Variants in MAF observed in about 807,000 individuals in gnomAD.
MAF encodes the protein transcription factor Maf.
In MAF, 10 loss-of-function variants were observed where a neutral mutation model predicts 22.0. The ratio of observed to expected loss-of-function variants is 0.45; its 90% CI spans 0.28 to 0.77. The LOEUF (loss-of-function observed/expected upper bound fraction) is 0.77, where lower values mean the gene tolerates loss of function less well. Among genes scored for constraint, MAF ranks in the 30% least tolerant of loss-of-function variants. The pLI, the probability that MAF is intolerant of heterozygous loss-of-function variation, is 0.12. For missense variants in MAF, 544 were observed against 548.4 expected (o/e 0.99, Z 0.08); for synonymous variants, 337 against 255.8 (o/e 1.32, Z -3.03).
chr16:79,310,615 C>G, the MAF span, among the ~76,000 whole-genome samples: 3 of 152,172 alleles, frequency 2.0e-5, no homozygotes, highest in African/African-American at 7.2e-5. Flanking sequence ...TCCGCCTCCG[C>G]GACATTTTGC....
the MAF span, among the ~76,000 whole-genome samples, chr16:79,252,285 CTTTA>C: frequency 2.0e-5 from 3 of 150,954 alleles, no homozygotes; most frequent in African/African-American, 2.4e-5. Flanking sequence ...TCCAATAAAA[CTTTA>C]TTTATTTATA....
the MAF span, among the ~76,000 whole-genome samples, chr16:79,232,439 T>C: frequency 1.3e-5 from 2 of 152,036 alleles, no homozygotes; most frequent in African/African-American, 4.8e-5. Flanking sequence ...GGAGGTACGG[T>C]AGTTGACTCG....
At chr16:79,284,660 G>A in the MAF span, among the ~76,000 whole-genome samples, 1 of 152,148 alleles carries the variant, frequency 6.6e-6, no homozygotes, top group Non-Finnish European at 1.5e-5. Context: ...TTTAAGAAAG[G>A]TTGGGAAGTT....
the MAF span, among the ~76,000 whole-genome samples, chr16:79,367,254 C>G: frequency 6.6e-6 from 1 of 152,200 alleles, no homozygotes; most frequent in Non-Finnish European, 1.5e-5. Context: ...GAAGTTAGCT[C>G]TCTCAGCCTG....
chr16:79,416,837 G>C, the MAF span, among the ~76,000 whole-genome samples: 1 of 152,182 alleles, frequency 6.6e-6, no homozygotes, highest in Non-Finnish European at 1.5e-5. Flanking sequence ...TTTCTTCATG[G>C]GTAAAGGGGA....
chr16:79,481,907 C>T, the MAF span, among the ~76,000 whole-genome samples: 1 of 152,264 alleles, frequency 6.6e-6, no homozygotes, highest in Non-Finnish European at 1.5e-5. Flanking sequence ...AGGCCACCAT[C>T]GAAGCAGGTG....
the MAF span, among the ~76,000 whole-genome samples, chr16:79,213,610 C>T: frequency 1.3e-5 from 2 of 152,158 alleles, no homozygotes; most frequent in Non-Finnish European, 2.9e-5. Context: ...CCTGCAACTT[C>T]CATCATAGGG....
chr16:79,559,735 A>T, the MAF span, among the ~76,000 whole-genome samples: 1 of 152,174 alleles, frequency 6.6e-6, no homozygotes, highest in East Asian at 1.9e-4. Context: ...AATGCTGATG[A>T]TGCTATATTT....
the MAF span, among the ~76,000 whole-genome samples, chr16:79,225,048 T>C: frequency 2.6e-5 from 4 of 152,170 alleles, no homozygotes; most frequent in Non-Finnish European, 2.9e-5. Flanking sequence ...AGAGCCCACA[T>C]AGCCAAGACA....
chr16:79,578,677 C>T, the MAF span, among the ~76,000 whole-genome samples: 11 of 152,050 alleles, frequency 7.2e-5, no homozygotes, highest in African/African-American at 2.2e-4. Context: ...AAAAGCCATC[C>T]GTCCAAGTTG....
At chr16:79,240,573 C>T in the MAF span, among the ~76,000 whole-genome samples, 4 of 147,228 alleles carry the variant, frequency 2.7e-5, no homozygotes, top group East Asian at 4.1e-4. Flanking sequence ...ACCCCCATCT[C>T]CCTGGGACAG....
At chr16:79,393,665 G>C in the MAF span, among the ~76,000 whole-genome samples, 1 of 152,144 alleles carries the variant, frequency 6.6e-6, no homozygotes, top group South Asian at 2.1e-4. Context: ...TTCCAGAAAG[G>C]TGGTCCATGC....
chr16:79,448,116 G>A, the MAF span, among the ~76,000 whole-genome samples: 3 of 152,140 alleles, frequency 2.0e-5, no homozygotes, highest in Admixed American at 2.0e-4. Context: ...GCGTTTGAGA[G>A]GTTTGATTCC....
the MAF span, among the ~76,000 whole-genome samples, chr16:79,503,944 T>G: frequency 6.6e-6 from 1 of 152,236 alleles, no homozygotes; most frequent in African/African-American, 2.4e-5. Context: ...TAAATAAAAC[T>G]ATTAAATCCA....
At chr16:79,528,285 C>G in the MAF span, among the ~76,000 whole-genome samples, 4 of 152,140 alleles carry the variant, frequency 2.6e-5, no homozygotes, top group East Asian at 7.7e-4. Context: ...TCATGGCAGT[C>G]CCAGTAGCAA....
At chr16:79,530,304 G>A in the MAF span, among the ~76,000 whole-genome samples, 244 of 152,240 alleles carry the variant, frequency 1.6e-3, 1 homozygote, top group African/African-American at 5.6e-3. Flanking sequence ...AAATGGGCTG[G>A]GGGGTGGACC....
chr16:79,515,876 G>C, the MAF span: 2 of 151,862 alleles, frequency 1.3e-5, no homozygotes, highest in Non-Finnish European at 2.9e-5. Context: ...CCATCATATG[G>C]AGTCTGAGTG....
the MAF span, among the ~76,000 whole-genome samples, chr16:79,217,024 G>T: frequency 1.3e-5 from 2 of 152,136 alleles, no homozygotes; most frequent in African/African-American, 4.8e-5. Context: ...TGGCCAGGCT[G>T]GTCTCGAACT....
chr16:79,221,173 G>C, the MAF span, among the ~76,000 whole-genome samples: 6 of 152,176 alleles, frequency 3.9e-5, no homozygotes, highest in Admixed American at 3.9e-4. Context: ...TGCCTGGTTT[G>C]CTAAGACAGA....
Sources: gnomAD v4.1 joint callset for allele counts (sites outside exome capture counted in the v4.1 genomes callset) on GRCh38, gnomAD v4.1.1 for gene constraint, MANE v1.5 for transcripts, NCBI Gene and HGNC (gene_info 2026-07-23, HGNC 2026-07-21) for gene names.